The following LEF1 variants were observed in gnomAD, a reference collection of about 807,000 sequenced individuals.
LEF1 encodes the protein lymphoid enhancer binding factor 1.
In LEF1, 14 loss-of-function variants were observed where a neutral mutation model predicts 51.2. That is an observed-to-expected ratio of 0.27 (90% CI 0.18 to 0.43). The LOEUF (loss-of-function observed/expected upper bound fraction) is 0.43. Ranked by LOEUF, LEF1 falls within the 20% of genes least tolerant of loss-of-function variation. LEF1 has a pLI of 1.00. For missense variants in LEF1, 386 were observed against 512.0 expected (o/e 0.75, Z 2.37); for synonymous variants, 185 against 183.2 (o/e 1.01, Z -0.08).
intron 3 of LEF1, among the ~76,000 whole-genome samples, chr4:108,094,904 C>T (rs1740282966): frequency 6.6e-6 from 1 of 152,152 alleles, no homozygotes; most frequent in South Asian, 2.1e-4. Flanking sequence ...TCATGCTGCG[C>T]CTTTCCCTCC....
intron 3 of LEF1, among the ~76,000 whole-genome samples, chr4:108,131,842 G>C (rs1282773856): frequency 6.6e-6 from 1 of 152,158 alleles, no homozygotes; most frequent in Non-Finnish European, 1.5e-5. Context: ...GCGTTGTATA[G>C]GGTATGATGA....
chr4:108,068,915 C>G (rs1371288281), intron 9 of LEF1, among the ~76,000 whole-genome samples: 2 of 152,174 alleles, frequency 1.3e-5, no homozygotes, highest in African/African-American at 4.8e-5. Context: ...ACTGACCTGG[C>G]TGGCATTTCT....
intron 3 of LEF1, among the ~76,000 whole-genome samples, chr4:108,099,356 C>A (rs1227409340): frequency 1.3e-5 from 2 of 151,050 alleles, no homozygotes; most frequent in African/African-American, 4.9e-5. Context: ...AAAAAATTGG[C>A]GTTTTTGAAA....
intron 3 of LEF1, among the ~76,000 whole-genome samples, chr4:108,149,699 A>T (rs966245114): frequency 4.0e-5 from 6 of 150,582 alleles, no homozygotes; most frequent in Non-Finnish European, 8.9e-5. Flanking sequence ...ACAACTGATG[A>T]CACAGACCTA....
intron 5 of LEF1, among the ~76,000 whole-genome samples, chr4:108,082,191 AATT>A: frequency 6.6e-6 from 1 of 152,186 alleles, no homozygotes; most frequent in Non-Finnish European, 1.5e-5. Flanking sequence ...AATTCACTGG[AATT>A]ATTTTCTCTC....
chr4:108,134,859 C>T (rs1743150149), intron 3 of LEF1, among the ~76,000 whole-genome samples: 1 of 152,218 alleles, frequency 6.6e-6, no homozygotes, highest in Admixed American at 6.5e-5. Context: ...CTTTCATATA[C>T]TCAAAGGGTA....
At chr4:108,110,264 T>C (rs538350301) in intron 3 of LEF1, among the ~76,000 whole-genome samples, 1 of 152,350 alleles carries the variant, frequency 6.6e-6, no homozygotes, top group South Asian at 2.1e-4. Context: ...CATTTCCTTA[T>C]AGAGCATGTT....
At chr4:108,151,990 T>C (rs1213321120) in intron 3 of LEF1, among the ~76,000 whole-genome samples, 2 of 152,196 alleles carry the variant, frequency 1.3e-5, no homozygotes, top group African/African-American at 4.8e-5. Context: ...GCAACAAAGA[T>C]GAATAAGACA....
chr4:108,048,984 T>C (rs1199055073), intron 11 of LEF1, among the ~76,000 whole-genome samples: 2 of 152,060 alleles, frequency 1.3e-5, no homozygotes, highest in Non-Finnish European at 2.9e-5. Context: ...ATGCCCAGAG[T>C]TATGATGTGA....
chr4:108,148,278 A>C (rs978696325), intron 3 of LEF1, among the ~76,000 whole-genome samples: 2 of 41,674 alleles, frequency 4.8e-5, no homozygotes, highest in African/African-American at 9.0e-5. Flanking sequence ...TCTTTTAATA[A>C]AAAAAAAAAA....
chr4:108,080,910 G>A (rs139189986), intron 6 of LEF1, among the ~76,000 whole-genome samples: 1 of 152,052 alleles, frequency 6.6e-6, no homozygotes, highest in East Asian at 2.0e-4. Flanking sequence ...CCCCAAATGT[G>A]TGTGTACATC....
intron 3 of LEF1, among the ~76,000 whole-genome samples, chr4:108,127,219 G>T (rs900428576): frequency 3.3e-5 from 5 of 152,180 alleles, no homozygotes; most frequent in Non-Finnish European, 7.3e-5. Context: ...GTGATCAGAC[G>T]TGGGACTTCT....
At chr4:108,090,268 G>A (rs900557392) in intron 3 of LEF1, among the ~76,000 whole-genome samples, 3 of 152,100 alleles carry the variant, frequency 2.0e-5, no homozygotes, top group African/African-American at 7.2e-5. Flanking sequence ...ATGAGCCACC[G>A]TGTCCAGCTG....
At chr4:108,050,263 A>G (rs1024467651) in intron 11 of LEF1, among the ~76,000 whole-genome samples, 1 of 152,226 alleles carries the variant, frequency 6.6e-6, no homozygotes, top group African/African-American at 2.4e-5. Context: ...GTTAATCACT[A>G]TATTATCACT....
chr4:108,161,731 C>A (rs897349326), intron 3 of LEF1, among the ~76,000 whole-genome samples: 2 of 151,992 alleles, frequency 1.3e-5, no homozygotes, highest in African/African-American at 4.8e-5. Flanking sequence ...TTAAAATTAC[C>A]ATTTTGAAAG....
chr4:108,167,419 C>G lies in LEF1; in HGVS notation c.213+136G>C, dbSNP rs1745483281. The G allele has an allele frequency of 1.3e-6, 1 of 757,764 alleles. No individual in the cohort carries two copies. Among genetic ancestry groups the G allele is most frequent in the Admixed American group, 2.3e-5 (1 of 42,734 alleles). The allele number at this position is 757,764 out of a possible 1,614,324, so 46.9% of individuals were successfully genotyped here. On this transcript the variant is annotated intron_variant, in intron 1 of 11. Coordinates refer to ENST00000265165, the MANE Select transcript of LEF1 (RefSeq NM_016269.5). The surrounding 1 kb of genome is among the most constrained non-coding windows in gnomAD (Gnocchi z 5.7). The stretch of plus-strand genomic sequence containing the variant: ...ACTGCGGACCGGGGGCCCAGCTACG[C>G]ACACACCCCAAAACAAACGAGGGAT...
chr4:108,087,462 A>C (rs931883956), intron 4 of LEF1, among the ~76,000 whole-genome samples: 4 of 152,198 alleles, frequency 2.6e-5, no homozygotes, highest in African/African-American at 9.6e-5. Context: ...GATATAACTT[A>C]ACAATTATGC....
At chr4:108,108,382 A>C in intron 3 of LEF1, among the ~76,000 whole-genome samples, 1 of 151,982 alleles carries the variant, frequency 6.6e-6, no homozygotes, top group Non-Finnish European at 1.5e-5. Context: ...TCTAGATTTG[A>C]CTCACTCGTA....
chr4:108,050,795 C>G (rs1736938863), intron 11 of LEF1, among the ~76,000 whole-genome samples: 1 of 152,118 alleles, frequency 6.6e-6, no homozygotes, highest in African/African-American at 2.4e-5. Flanking sequence ...GACAACCTGC[C>G]CTTCTGTTGG....
Sources: allele counts gnomAD v4.1 joint callset (sites outside exome capture counted in the v4.1 genomes callset), GRCh38; gene constraint gnomAD v4.1.1; non-coding constraint Gnocchi (gnomAD v3.1); transcripts MANE v1.5; gene names NCBI Gene and HGNC (gene_info 2026-07-23, HGNC 2026-07-21).